KCNQ3: variants seen among roughly 807,000 people sequenced by gnomAD.
KCNQ3 encodes potassium voltage-gated channel subfamily Q member 3, also known as potassium voltage-gated channel subfamily KQT member 3.
In KCNQ3, 30 loss-of-function variants were observed where a neutral mutation model predicts 92.5. That is an observed-to-expected ratio of 0.32 (90% CI 0.24 to 0.44). The LOEUF (loss-of-function observed/expected upper bound fraction) is 0.44, where lower values mean the gene tolerates loss of function less well. Among genes scored for constraint, KCNQ3 ranks in the 20% least tolerant of loss-of-function variants. KCNQ3 has a pLI of 1.00. For synonymous variants in KCNQ3, 450 were observed against 468.8 expected, an observed-to-expected ratio of 0.96 and a Z score of 0.52; for missense variants, 913 against 1,140.3, an observed-to-expected ratio of 0.80 and a Z score of 2.87.
At chr8:132,224,081 A>ATCTTTTTTTTTT (rs1814325101) in intron 1 of KCNQ3, among the ~76,000 whole-genome samples, 1 of 39,458 alleles carries the variant, frequency 2.5e-5, no homozygotes, top group Non-Finnish European at 5.1e-5. Flanking sequence ...ATGCCAGGCT[A>ATCTTTTTTTTTT]TTTTTTTTTT....
intron 3 of KCNQ3, among the ~76,000 whole-genome samples, chr8:132,182,300 AG>A (rs1199346136): frequency 6.6e-6 from 1 of 152,206 alleles, no homozygotes; most frequent in African/African-American, 2.4e-5. Flanking sequence ...ACGCTCCATG[AG>A]GCAGTTCTGA....
intron 1 of KCNQ3, among the ~76,000 whole-genome samples, chr8:132,296,720 C>T (rs2130571015): frequency 6.6e-6 from 1 of 152,216 alleles, no homozygotes; most frequent in East Asian, 1.9e-4. Flanking sequence ...GACATGAACT[C>T]TTCATTTTTC....
At chr8:132,233,388 A>G (rs932122118) in intron 1 of KCNQ3, among the ~76,000 whole-genome samples, 1 of 152,152 alleles carries the variant, frequency 6.6e-6, no homozygotes, top group African/African-American at 2.4e-5. Context: ...TTTCAACTCA[A>G]GTGCTGGTAT....
chr8:132,324,733 A>G (rs1485807047), intron 1 of KCNQ3, among the ~76,000 whole-genome samples: 4 of 152,146 alleles, frequency 2.6e-5, no homozygotes, highest in Admixed American at 2.0e-4. Context: ...GATCAGCCCC[A>G]TTTTTATAGG....
At chr8:132,395,913 G>C (rs1445616259) in intron 1 of KCNQ3, among the ~76,000 whole-genome samples, 1 of 152,192 alleles carries the variant, frequency 6.6e-6, no homozygotes, top group Non-Finnish European at 1.5e-5. Context: ...AGAGACTCTT[G>C]TTTTCCAGAT....
At chr8:132,214,060 TA>T (rs1384474970) in intron 1 of KCNQ3, among the ~76,000 whole-genome samples, 3 of 152,180 alleles carry the variant, frequency 2.0e-5, no homozygotes, top group Non-Finnish European at 4.4e-5. Context: ...AATAAAGTTC[TA>T]GAGCAAGGAG....
Position 132,292,286 on chromosome 8 carries a change from T to C in KCNQ3, c.387-106105A>G, listed in dbSNP as rs562631854. ...ATAACAGTGGTTGAATGTTTACCTATGCATCAAGAAGTGTTCTTGAGATTT... is the reference window on the plus strand; with the variant it reads ...ATAACAGTGGTTGAATGTTTACCTACGCATCAAGAAGTGTTCTTGAGATTT... On this transcript the variant is annotated intron_variant, in intron 1 of 14. Coordinates refer to ENST00000388996, the MANE Select transcript of KCNQ3 (RefSeq NM_004519.4). Among the ~76,000 whole-genome samples the C allele has an allele frequency of 1.6e-4, 24 of 152,356 alleles. No homozygotes were observed. The East Asian group carries it at 3.3e-3, about 21-fold the overall frequency.
At chr8:132,421,533 G>C (rs1046852609) in intron 1 of KCNQ3, among the ~76,000 whole-genome samples, 1 of 152,138 alleles carries the variant, frequency 6.6e-6, no homozygotes, top group Non-Finnish European at 1.5e-5. Context: ...GCCTGACCTA[G>C]GGTGTGTGGG....
rs746319449 is a variant in KCNQ3, at chr8:132,174,347, G to A, written c.936C>T (p.Ile312=). ...TYADALWWGL[I]TLATIGYGDK... is the part of the protein sequence containing the mutation. ...CTCCATAGCCAATGGTGGCCAGTGT[G>A]ATCTGAAGAGAGAAGAGTTCAGACA... Residue 312 remains isoleucine (I), a splice_region_variant and synonymous_variant, in exon 6 of 15, where the codon ATC becomes ATT. Coordinates refer to ENST00000388996, the MANE Select transcript of KCNQ3 (RefSeq NM_004519.4). 6.5e-7 allele frequency: 1 copy of A among 1,549,890 alleles called. No homozygotes were observed. Among genetic ancestry groups the A allele is most frequent in the South Asian group, 1.2e-5 (1 of 84,030 alleles).
chr8:132,402,677 T>C (rs1248624085), intron 1 of KCNQ3, among the ~76,000 whole-genome samples: 1 of 152,126 alleles, frequency 6.6e-6, no homozygotes, highest in Non-Finnish European at 1.5e-5. Context: ...CAGAGAATTG[T>C]ACAATGCAAA....
intron 1 of KCNQ3, among the ~76,000 whole-genome samples, chr8:132,186,858 G>A (rs992400831): frequency 2.0e-5 from 3 of 151,240 alleles, no homozygotes; most frequent in African/African-American, 7.3e-5. Flanking sequence ...AGGCAGGAGT[G>A]AACTACAAAC....
intron 1 of KCNQ3, among the ~76,000 whole-genome samples, chr8:132,189,607 G>A (rs368356541): frequency 4.6e-4 from 70 of 152,108 alleles, no homozygotes; most frequent in African/African-American, 1.4e-3. Context: ...CAGGTGGATC[G>A]CCTGAGGTCG....
chr8:132,277,078 A>ATTTT (rs1344086924), intron 1 of KCNQ3, among the ~76,000 whole-genome samples: 1 of 152,154 alleles, frequency 6.6e-6, no homozygotes, highest in Non-Finnish European at 1.5e-5. Flanking sequence ...AATTTTTAAA[A>ATTTT]AAAAAAAGGA....
Position 132,367,916 on chromosome 8 carries a change from T to C in KCNQ3, c.386+112231A>G, listed in dbSNP as rs116183940. ...TGACCGGGCATGCAGTAGGTGATTA[T>C]TGAAAACTTACTCACTGACAAATAT... On this transcript the variant is annotated intron_variant, in intron 1 of 14. Coordinates refer to ENST00000388996, the MANE Select transcript of KCNQ3 (RefSeq NM_004519.4). 4.5e-3 allele frequency among the ~76,000 whole-genome samples: 686 copies of C among 152,310 alleles called. 4 individuals carry two copies. Among genetic ancestry groups the C allele is most frequent in the African/African-American group, 0.015 (638 of 41,562 alleles).
chr8:132,375,887 C>T (rs1038526700), intron 1 of KCNQ3, among the ~76,000 whole-genome samples: 6 of 152,176 alleles, frequency 3.9e-5, no homozygotes, highest in Admixed American at 6.5e-5. Flanking sequence ...ACGCTCTCTT[C>T]GCATGTCATT....
chr8:132,222,393 G>A (rs893444828), intron 1 of KCNQ3, among the ~76,000 whole-genome samples: 28 of 152,340 alleles, frequency 1.8e-4, no homozygotes, highest in Non-Finnish European at 3.8e-4. Context: ...TATTCCTTGA[G>A]TGAGTGCGTA....
At chr8:132,401,270 A>C (rs1820324524) in intron 1 of KCNQ3, among the ~76,000 whole-genome samples, 1 of 152,220 alleles carries the variant, frequency 6.6e-6, no homozygotes, top group African/African-American at 2.4e-5. Context: ...GTTGAATCTT[A>C]TGAAATCCAC....
chr8:132,148,360 C>T lies in KCNQ3; in HGVS notation c.1263-7029G>A, dbSNP rs138452778. Among the ~76,000 whole-genome samples, 24 of 152,166 alleles carry T rather than the reference C, an allele frequency of 1.6e-4. No homozygotes were observed. The East Asian group carries it at 2.9e-3, about 18-fold the overall frequency. Reference sequence around the variant, plus strand: ...AAGCGATTCTACTGCCTCAGCCTCCCGAGTAGCTGGGATTACAGGCACACA... The same window carrying T: ...AAGCGATTCTACTGCCTCAGCCTCCTGAGTAGCTGGGATTACAGGCACACA... On this transcript the variant is annotated intron_variant, in intron 9 of 14. Transcript: ENST00000388996.
intron 1 of KCNQ3, among the ~76,000 whole-genome samples, chr8:132,369,330 G>T (rs987557733): frequency 6.6e-6 from 1 of 152,072 alleles, no homozygotes; most frequent in Non-Finnish European, 1.5e-5. Context: ...TACTTAAGGG[G>T]TGGGGAGTTA....
Sources: allele counts gnomAD v4.1 joint callset (sites outside exome capture counted in the v4.1 genomes callset), GRCh38; gene constraint gnomAD v4.1.1; transcripts MANE v1.5; gene names NCBI Gene and HGNC (gene_info 2026-07-23, HGNC 2026-07-21).